STXBP5: variants seen among roughly 807,000 people sequenced by gnomAD.
The protein encoded by STXBP5 is syntaxin-binding protein 5.
A neutral mutation model predicts 152.4 loss-of-function variants in STXBP5; 50 were observed. The observed-to-expected ratio is 0.33, with a 90% CI of 0.26 to 0.42. STXBP5 has a LOEUF of 0.42. STXBP5 is among the 10% of genes least tolerant of loss of function. STXBP5 has a pLI of 1.00. For synonymous variants in STXBP5, 492 were observed against 494.7 expected, an observed-to-expected ratio of 0.99 and a Z score of 0.07; for missense variants, 1,167 against 1,388.6, an observed-to-expected ratio of 0.84 and a Z score of 2.54.
intron 22 of STXBP5, among the ~76,000 whole-genome samples, chr6:147,354,316 C>T (rs886643749): frequency 3.3e-5 from 5 of 152,062 alleles, no homozygotes; most frequent in Non-Finnish European, 7.4e-5. Context: ...AGTAGGCATA[C>T]AATATATTCC....
intron 16 of STXBP5, 115 bp from the exon 17 acceptor site, chr6:147,324,844 T>A (rs1783154008): frequency 2.0e-6 from 2 of 996,392 alleles, no homozygotes; most frequent in Admixed American, 3.9e-5. Flanking sequence ...GAAAACAGGA[T>A]TCTGATTTTT....
At chr6:147,353,796 A>G (rs950716781) in intron 22 of STXBP5, among the ~76,000 whole-genome samples, 1 of 152,180 alleles carries the variant, frequency 6.6e-6, no homozygotes, top group Non-Finnish European at 1.5e-5. Context: ...AGTGAATCAT[A>G]GCAAGAATCA....
intron 25 of STXBP5, among the ~76,000 whole-genome samples, chr6:147,371,653 C>T (rs1012652687): frequency 6.6e-6 from 1 of 152,124 alleles, no homozygotes; most frequent in Non-Finnish European, 1.5e-5. Context: ...CATCTGGTTC[C>T]AAAGTTTATA....
intron 8 of STXBP5, among the ~76,000 whole-genome samples, chr6:147,282,989 A>T (rs1469264237): frequency 6.6e-6 from 1 of 151,894 alleles, no homozygotes; most frequent in African/African-American, 2.4e-5. Flanking sequence ...AAAAAAAAAA[A>T]TGTCATAATG....
Position 147,389,224 on chromosome 6 carries a change from T to C in STXBP5, c.*4469T>C, listed in dbSNP as rs763256900. The C allele has an allele frequency of 5.3e-5, 8 of 151,762 alleles. No homozygotes were observed. Among genetic ancestry groups the C allele is most frequent in the Admixed American group, 2.6e-4 (4 of 15,190 alleles). The allele number at this position is 151,762 out of a possible 1,614,324, so 9.4% of individuals were successfully genotyped here. A position where few individuals can be genotyped will look rare whatever the true frequency, so the allele number is the denominator to read the frequency against. Reference sequence around the variant, plus strand: ...GAATTATTTTTCCTGTGAATATTAATGATTTTACTACTGCCTCCGAAGTTT... The same window carrying C: ...GAATTATTTTTCCTGTGAATATTAACGATTTTACTACTGCCTCCGAAGTTT... On this transcript the variant is annotated 3_prime_UTR_variant, in exon 28 of 28. Coordinates refer to ENST00000321680, the MANE Select transcript of STXBP5 (RefSeq NM_001127715.4).
rs1785159778 is a variant in STXBP5 at position 147,363,520 on chromosome 6, G to A, written c.2731G>A (p.Glu911Lys). Residue 911 changes from glutamate (E) to lysine (K), a missense_variant, in exon 24 of 28, where the codon GAA becomes AAA. Transcript: ENST00000321680. The stretch of plus-strand genomic sequence containing the variant: ...CCCCTCCTCTTCTCAGGAAATTAGT[G>A]AAAACCAGTATGCAGTGATATGTTC... ...VSPSSSQEIS[E>K]NQYAVICSEK... The A allele has an allele frequency of 6.2e-7, 1 of 1,613,996 alleles. No individual in the cohort carries two copies. Among genetic ancestry groups the A allele is most frequent in the South Asian group, 1.1e-5 (1 of 91,086 alleles).
intron 22 of STXBP5, among the ~76,000 whole-genome samples, chr6:147,358,014 A>AT (rs1292455818): frequency 6.6e-6 from 1 of 152,106 alleles, no homozygotes; most frequent in Non-Finnish European, 1.5e-5. Flanking sequence ...TATTAGTATA[A>AT]TTTTTTAAAT....
At chr6:147,213,035 CTT>C (rs1343891787) in intron 2 of STXBP5, among the ~76,000 whole-genome samples, 3 of 151,960 alleles carry the variant, frequency 2.0e-5, no homozygotes, top group Non-Finnish European at 4.4e-5. Context: ...TCTTAATAAT[CTT>C]TAGAGATTTA....
At chr6:147,264,656 A>T (rs1390594891) in intron 6 of STXBP5, among the ~76,000 whole-genome samples, 2 of 152,130 alleles carry the variant, frequency 1.3e-5, no homozygotes, top group African/African-American at 4.8e-5. Context: ...ATTAGACGGG[A>T]ATTAGTCATT....
chr6:147,291,420 C>T (rs532453155), intron 9 of STXBP5, among the ~76,000 whole-genome samples: 6 of 152,008 alleles, frequency 3.9e-5, no homozygotes, highest in African/African-American at 1.4e-4. Context: ...TGTTAAACTT[C>T]GTGCCTTCTC....
rs557334770 is a variant in STXBP5 at position 147,263,040 on chromosome 6, A to G, written c.630+687A>G. Among the ~76,000 whole-genome samples, 10 of 152,162 alleles carry G rather than the reference A, an allele frequency of 6.6e-5. No individual in the cohort carries two copies. In the East Asian group the frequency reaches 1.9e-3, roughly 29 times the overall value. ...AAATACCAGGAAGTTTATTGCTATC[A>G]GAAATCAGTAAAGTGAAACCTCTGG... is the stretch of plus-strand genomic sequence containing the variant. On this transcript the variant is annotated intron_variant, in intron 6 of 27. Coordinates refer to ENST00000321680, the MANE Select transcript of STXBP5 (RefSeq NM_001127715.4).
chr6:147,315,623 T>C lies in STXBP5; in HGVS notation c.1511T>C (p.Ile504Thr). The change falls in exon 15 of 28, where the codon ATT becomes ACT. Residue 504 changes from isoleucine to threonine, a missense_variant. Coordinates refer to ENST00000321680, the MANE Select transcript of STXBP5 (RefSeq NM_001127715.4). ...ATTGTAGATGAAGATCCATATGCCA[T>C]TCAGATCATCTCCTGGTGTCCAGAA... Reference protein sequence around the residue: ...TDIVDEDPYAIQIISWCPESR... With the variant: ...TDIVDEDPYATQIISWCPESR... 1 of 1,613,952 alleles carries C rather than the reference T, an allele frequency of 6.2e-7. No homozygotes were observed. The highest frequency in any genetic ancestry group is 2.2e-5 in the East Asian group (1 of 44,838).
At chr6:147,314,987 T>G (rs1048876408) in intron 14 of STXBP5, among the ~76,000 whole-genome samples, 1 of 152,154 alleles carries the variant, frequency 6.6e-6, no homozygotes, top group Non-Finnish European at 1.5e-5. Context: ...AACGTTCATG[T>G]TGTCTTTGCG....
At chr6:147,225,496 T>C (rs1394369827) in intron 2 of STXBP5, among the ~76,000 whole-genome samples, 1 of 152,218 alleles carries the variant, frequency 6.6e-6, no homozygotes, top group Non-Finnish European at 1.5e-5. Context: ...TTTCTTTGCC[T>C]TGTTCCTCAT....
intron 25 of STXBP5, among the ~76,000 whole-genome samples, chr6:147,368,388 C>T (rs1228706267): frequency 6.6e-6 from 1 of 152,116 alleles, no homozygotes; most frequent in Non-Finnish European, 1.5e-5. Flanking sequence ...TGTGATCCAT[C>T]TTATTAAAAA....
chr6:147,278,573 A>C (rs1327749808), intron 8 of STXBP5, among the ~76,000 whole-genome samples: 1 of 152,196 alleles, frequency 6.6e-6, no homozygotes, highest in Non-Finnish European at 1.5e-5. Flanking sequence ...TATAAATAAC[A>C]GTGAACTTGA....
intron 17 of STXBP5, among the ~76,000 whole-genome samples, chr6:147,325,578 C>T (rs1398199627): frequency 6.6e-6 from 1 of 152,022 alleles, no homozygotes; most frequent in Non-Finnish European, 1.5e-5. Flanking sequence ...CAATTCATGC[C>T]TTCAGCCATA....
intron 16 of STXBP5, among the ~76,000 whole-genome samples, chr6:147,324,717 T>C (rs1783140388): frequency 6.6e-6 from 1 of 151,954 alleles, no homozygotes. Context: ...CCTCACCTCT[T>C]ATTTTCTCCT....
rs910355457 is a variant in STXBP5 at position 147,354,281 on chromosome 6, G to T, written c.2305+908G>T. Among the ~76,000 whole-genome samples the T allele has an allele frequency of 3.9e-5, 6 of 152,100 alleles. No individual in the cohort carries two copies. The South Asian group carries it at 1.2e-3, about 31-fold the overall frequency. On this transcript the variant is annotated intron_variant, in intron 22 of 27. Transcript: ENST00000321680. ...ATCATTATCTTACTTCAGTTATGCT[G>T]ATAGAAAGCATGTGGTTATGAGTGA...
Sources: allele counts gnomAD v4.1 joint callset (sites outside exome capture counted in the v4.1 genomes callset), GRCh38; gene constraint gnomAD v4.1.1; transcripts MANE v1.5; gene names NCBI Gene and HGNC (gene_info 2026-07-23, HGNC 2026-07-21).